Variants in CCDC47 observed in about 807,000 individuals in gnomAD.
CCDC47 encodes PAT complex subunit CCDC47.
In CCDC47, 41 loss-of-function variants were observed where a neutral mutation model predicts 60.5. The ratio of observed to expected loss-of-function variants is 0.68; its 90% CI spans 0.53 to 0.88. The LOEUF (loss-of-function observed/expected upper bound fraction) is 0.88. Ranked by LOEUF, CCDC47 falls within the 40% of genes least tolerant of loss-of-function variation. The probability of loss-of-function intolerance (pLI) is 0.00; values close to 1 mark genes in which losing one functional copy is unlikely to be tolerated. For synonymous variants in CCDC47, 195 were observed against 190.7 expected, an observed-to-expected ratio of 1.02 and a Z score of -0.18; for missense variants, 513 against 580.9, an observed-to-expected ratio of 0.88 and a Z score of 1.20.
intron 1 of CCDC47, among the ~76,000 whole-genome samples, chr17:63,769,624 AAAAAG>A (rs570225649): frequency 2.8e-4 from 43 of 151,546 alleles, no homozygotes; most frequent in Non-Finnish European, 3.7e-4. Flanking sequence ...AAAAAAAAAA[AAAAAG>A]AAAAGAAAAG....
intron 12 of CCDC47, among the ~76,000 whole-genome samples, chr17:63,751,291 G>A (rs961533855): frequency 1.4e-5 from 2 of 141,734 alleles, no homozygotes; most frequent in Admixed American, 1.5e-4. Context: ...GCTTGAACCC[G>A]GGAGGCGGAG....
intron 2 of CCDC47, 193 bp downstream of exon 2, chr17:63,765,719 A>C (rs2039292899): frequency 2.2e-6 from 3 of 1,393,860 alleles, no homozygotes; most frequent in Admixed American, 3.2e-5. Flanking sequence ...CAGGGTTTCA[A>C]TAGAAGAACA....
At chr17:63,769,261 A>AT (rs1455584130) in intron 1 of CCDC47, among the ~76,000 whole-genome samples, 1 of 151,412 alleles carries the variant, frequency 6.6e-6, no homozygotes, top group Non-Finnish European at 1.5e-5. Context: ...GAAAAAAAAA[A>AT]AACAAAATGT....
In CCDC47 at chr17:63,761,236, C is replaced by T; in HGVS notation, c.663G>A (p.Gln221=). Residue 221 remains glutamine, a synonymous_variant, in exon 5 of 13, where the codon CAG becomes CAA. Coordinates refer to ENST00000225726, the MANE Select transcript of CCDC47 (RefSeq NM_020198.3). The stretch of plus-strand genomic sequence containing the variant: ...CAAGAAGTTTCCTACTTACCCTCAG[C>T]TGGATAAGCATGCCCTCACAGCACA... ...GRVCCEGMLI[Q]LRFLKRQDLL... is the part of the protein sequence containing the mutation. The T allele has an allele frequency of 6.2e-7, 1 of 1,614,110 alleles. No individual in the cohort carries two copies. The highest frequency in any genetic ancestry group is 8.5e-7 in the Non-Finnish European group (1 of 1,180,014).
rs780068806 is a variant in CCDC47, at chr17:63,751,993, C to T, written c.1318G>A (p.Glu440Lys). The change falls in exon 12 of 13, where the codon GAG becomes AAG. Residue 440 changes from glutamate to lysine, a missense_variant. Coordinates refer to ENST00000225726, the MANE Select transcript of CCDC47 (RefSeq NM_020198.3). The stretch of plus-strand genomic sequence containing the variant: ...TCCTCATTCATGATTCGCTCCTTCT[C>T]TGCTCTTTTTTTCTCCTCCCGCCGA... The part of the protein sequence containing the change: ...QSRREEKKRA[E>K]KERIMNEEDP... 1.2e-6 allele frequency: 2 copies of T among 1,613,702 alleles called. No homozygotes were observed. Among genetic ancestry groups the T allele is most frequent in the Admixed American group, 3.3e-5 (2 of 60,010 alleles).
At chr17:63,758,747 G>A (rs905703159) in intron 6 of CCDC47, among the ~76,000 whole-genome samples, 1 of 152,088 alleles carries the variant, frequency 6.6e-6, no homozygotes, top group Non-Finnish European at 1.5e-5. Context: ...ATGCTTGGGT[G>A]AAATAATTTT....
At chr17:63,771,820 G>A (rs1329479327) in intron 1 of CCDC47, among the ~76,000 whole-genome samples, 2 of 152,068 alleles carry the variant, frequency 1.3e-5, no homozygotes, top group African/African-American at 4.8e-5. Flanking sequence ...GGTGGTCCAC[G>A]TCTGTAATCT....
chr17:63,773,104 C>T (rs2039363345), intron 1 of CCDC47, among the ~76,000 whole-genome samples: 1 of 152,190 alleles, frequency 6.6e-6, no homozygotes, highest in South Asian at 2.1e-4. Context: ...GTGTTGGATA[C>T]AAACACGTTT....
chr17:63,761,759 T>C, intron 4 of CCDC47: 1 of 914,586 alleles, frequency 1.1e-6, no homozygotes, highest in African/African-American at 1.8e-5. Context: ...CACAAAATGA[T>C]CACAGCTTCA....
Position 63,754,503 on chromosome 17 carries a change from T to C in CCDC47, c.964A>G (p.Thr322Ala). 1 of 1,605,878 alleles carries C rather than the reference T, an allele frequency of 6.2e-7. No individual in the cohort carries two copies. Among genetic ancestry groups the C allele is most frequent in the Non-Finnish European group, 8.5e-7 (1 of 1,175,618 alleles). ...MMDTKMVHFL[T>A]HYADKIESVH... ...GATTCAATCTTGTCAGCATAGTGTG[T>C]AAGAAAGTGAACCATCTGAAAAAAA... The change falls in exon 9 of 13, where the codon ACA becomes GCA. Residue 322 changes from threonine to alanine, a missense_variant. Physicochemically the swap from Thr to Ala is moderately conservative, Grantham distance 58. Transcript: ENST00000225726.
intron 6 of CCDC47, 27 bp from the exon 7 acceptor site, chr17:63,756,597 A>G: frequency 6.6e-7 from 1 of 1,521,520 alleles, no homozygotes; most frequent in East Asian, 2.3e-5. Flanking sequence ...AAAAACAACA[A>G]AATTCACCTG....
At chr17:63,750,973 C>T (rs1404477346) in intron 12 of CCDC47, among the ~76,000 whole-genome samples, 1 of 151,626 alleles carries the variant, frequency 6.6e-6, no homozygotes, top group East Asian at 1.9e-4. Context: ...CTCCCAGGTT[C>T]AAGTAATCCT....
At chr17:63,762,759 A>T (rs1405909438) in intron 4 of CCDC47, among the ~76,000 whole-genome samples, 1 of 152,210 alleles carries the variant, frequency 6.6e-6, no homozygotes, top group Non-Finnish European at 1.5e-5. Flanking sequence ...TTTCTAAAAG[A>T]TGAATTGAGA....
chr17:63,755,189 A>G (rs1299195812), intron 8 of CCDC47: 1 of 524,830 alleles, frequency 1.9e-6, no homozygotes, highest in African/African-American at 2.1e-5. Context: ...CTAGTCCTGA[A>G]TCCCTGGACT....
In CCDC47 at chr17:63,746,737, A is replaced by G. The variant is rs1325301737; in HGVS notation, c.*144T>C. Reference sequence around the variant, plus strand: ...AATCTCTGTAAAACCCCAAACCCCAAACAGAGTAGATGATGAAATAAGGAT... The same window carrying G: ...AATCTCTGTAAAACCCCAAACCCCAGACAGAGTAGATGATGAAATAAGGAT... On this transcript the variant is annotated 3_prime_UTR_variant, in exon 13 of 13. Coordinates refer to ENST00000225726, the MANE Select transcript of CCDC47 (RefSeq NM_020198.3). 1 of 636,916 alleles carries G rather than the reference A, an allele frequency of 1.6e-6. No individual in the cohort carries two copies. The highest frequency in any genetic ancestry group is 2.8e-6 in the Non-Finnish European group (1 of 362,322). 39.5% of individuals were successfully genotyped at this position (636,916 alleles called of 1,614,324 possible).
In CCDC47 at chr17:63,751,945, G is replaced by T; in HGVS notation, c.1366C>A (p.Leu456Met). 6.2e-7 allele frequency: 1 copy of T among 1,613,634 alleles called. No homozygotes were observed. Among genetic ancestry groups the T allele is most frequent in the Non-Finnish European group, 8.5e-7 (1 of 1,179,976 alleles). Residue 456 changes from leucine to methionine, a missense_variant, in exon 12 of 13, where the codon CTG becomes ATG. Leu to Met is a conservative substitution (Grantham distance 15). Transcript: ENST00000225726. Reference sequence around the variant, plus strand: ...CAGTGATAAGTTTGTCTAACCTCCAGCCTGCGCTGTTTCTCAGGATCTTCC... The same window carrying T: ...CAGTGATAAGTTTGTCTAACCTCCATCCTGCGCTGTTTCTCAGGATCTTCC... Reference protein sequence around the residue: ...NEEDPEKQRRLEEAALRREQK... With the variant: ...NEEDPEKQRRMEEAALRREQK...
Position 63,764,068 on chromosome 17 carries a change from C to T in CCDC47, c.495G>A (p.Gln165=). 1 of 1,612,872 alleles carries T rather than the reference C, an allele frequency of 6.2e-7. No individual in the cohort carries two copies. The highest frequency in any genetic ancestry group is 8.5e-7 in the Non-Finnish European group (1 of 1,179,750). The change falls in exon 4 of 13, where the codon CAG becomes CAA. Residue 165 remains glutamine (Q), a synonymous_variant. Transcript: ENST00000225726. ...IGKNKNSRLA[Q]AWFNTHRELL... ...GCTCCCTATGAGTGTTAAACCAGGC[C>T]TGTGCAAGGCGACTGTTTTTATTCT...
chr17:63,756,159 G>T, intron 8 of CCDC47, 81 bp downstream of exon 8: 2 of 887,996 alleles, frequency 2.3e-6, no homozygotes, highest in South Asian at 1.3e-5. Context: ...ATAAAATGAT[G>T]AACTTGTACA....
chr17:63,756,691 G>A (rs2039210142), intron 6 of CCDC47, 121 bp from the exon 7 acceptor site: 1 of 661,152 alleles, frequency 1.5e-6, no homozygotes, highest in Non-Finnish European at 2.6e-6. Context: ...TAAGTGATTG[G>A]GATTTGCAAA....
Sources: gnomAD v4.1 joint callset for allele counts (sites outside exome capture counted in the v4.1 genomes callset) on GRCh38, gnomAD v4.1.1 for gene constraint, MANE v1.5 for transcripts, NCBI Gene and HGNC (gene_info 2026-07-23, HGNC 2026-07-21) for gene names.